Variants in ECT2L observed in about 807,000 individuals in gnomAD.
The protein encoded by ECT2L is epithelial cell transforming 2 like.
A neutral mutation model predicts 122.8 loss-of-function variants in ECT2L; 126 were observed. The observed-to-expected ratio is 1.03, with a 90% confidence interval of 0.89 to 1.19. The LOEUF is 1.19. Ranked by LOEUF, ECT2L falls within the 50% of genes most tolerant of loss-of-function variation. ECT2L has a pLI of 0.00. For missense variants in ECT2L, 1,012 were observed against 1,064.1 expected, an observed-to-expected ratio of 0.95 and a Z score of 0.68; for synonymous variants, 385 against 381.8, an observed-to-expected ratio of 1.01 and a Z score of -0.10.
rs766879877 is a variant in ECT2L at position 138,844,559 on chromosome 6, C to A, written c.743C>A (p.Ser248Ter). ...TTGGAGAAACAGCTTGTTTTGACAT[C>A]GTTAGAAACCTTGCCCAAGCGGTAA... The part of the protein sequence containing the change: ...EALEKQLVLT[S>*]LETLPKRSNI... Residue 248 changes from serine to a stop codon, truncating the protein, a stop_gained, in exon 7 of 22, where the codon TCG becomes TAG. Transcript: ENST00000541398. LOFTEE classifies it high-confidence loss of function. 2 of 1,613,938 alleles carry A rather than the reference C, an allele frequency of 1.2e-6. No homozygotes were observed. The highest frequency in any genetic ancestry group is 2.7e-5 in the African/African-American group (2 of 74,902).
rs879334918 is a variant in ECT2L at position 138,844,489 on chromosome 6, C to T, written c.673C>T (p.Arg225Cys). 1.9e-5 allele frequency: 31 copies of T among 1,614,160 alleles called. No individual in the cohort carries two copies. Among genetic ancestry groups the T allele is most frequent in the Non-Finnish European group, 2.4e-5 (28 of 1,180,028 alleles). Residue 225 changes from arginine to cysteine, a missense_variant, in exon 7 of 22, where the codon CGC becomes TGC. Physicochemically the swap from Arg to Cys is radical, Grantham distance 180. Transcript: ENST00000541398. ...SSVLKPRCQP[R>C]LSQTVRERVG... ...CGTGCTAAAGCCCAGATGCCAACCA[C>T]GCCTCTCCCAGACTGTAAGGGAGCG...
intron 7 of ECT2L, among the ~76,000 whole-genome samples, chr6:138,845,758 A>C (rs1777198792): frequency 6.6e-6 from 1 of 152,208 alleles, no homozygotes; most frequent in Admixed American, 6.5e-5. Flanking sequence ...ATGTACATTT[A>C]CTTGTTCAAG....
chr6:138,806,403 G>A (rs1057376679), intron 1 of ECT2L, among the ~76,000 whole-genome samples: 13 of 151,944 alleles, frequency 8.6e-5, no homozygotes, highest in African/African-American at 2.4e-4. Flanking sequence ...TATGGATTGG[G>A]GTGCTATGGG....
intron 20 of ECT2L, among the ~76,000 whole-genome samples, chr6:138,893,402 AAT>A (rs914068619): frequency 3.4e-5 from 5 of 146,966 alleles, no homozygotes; most frequent in African/African-American, 1.3e-4. Flanking sequence ...ACCATGTAAG[AAT>A]ATATATATAT....
chr6:138,860,181 T>C (rs1351599238), intron 10 of ECT2L, among the ~76,000 whole-genome samples: 1 of 152,170 alleles, frequency 6.6e-6, no homozygotes, highest in Admixed American at 6.5e-5. Context: ...CTTGTATAGA[T>C]CATCTTTGGC....
chr6:138,820,356 G>T (rs1484066628), intron 4 of ECT2L, among the ~76,000 whole-genome samples: 1 of 152,220 alleles, frequency 6.6e-6, no homozygotes, highest in African/African-American at 2.4e-5. Context: ...GCTAGCTGTG[G>T]TGACTGTTGT....
intron 4 of ECT2L, among the ~76,000 whole-genome samples, chr6:138,825,351 G>A (rs113115686): frequency 0.019 from 2,888 of 152,202 alleles, 36 homozygotes; most frequent in Non-Finnish European, 0.028. Context: ...AGGCTGAGGC[G>A]GGTGGATCAC....
intron 1 of ECT2L, among the ~76,000 whole-genome samples, chr6:138,805,716 A>G (rs781436023): frequency 6.6e-5 from 10 of 152,220 alleles, no homozygotes; most frequent in Non-Finnish European, 1.0e-4. Context: ...CTTGTCATCC[A>G]GTATCCCAGC....
chr6:138,893,592 T>C (rs1009410465), intron 20 of ECT2L, among the ~76,000 whole-genome samples: 3 of 152,000 alleles, frequency 2.0e-5, no homozygotes, highest in African/African-American at 7.2e-5. Flanking sequence ...CGGCTAATTT[T>C]TGTATTTTTA....
At chr6:138,866,301 C>A (rs552087810) in intron 12 of ECT2L, among the ~76,000 whole-genome samples, 1 of 152,210 alleles carries the variant, frequency 6.6e-6, no homozygotes, top group South Asian at 2.1e-4. Flanking sequence ...GCATGCACCG[C>A]CATGCCTGGC....
rs78720537 is a variant in ECT2L at position 138,853,498 on chromosome 6, G to A, written c.1070-528G>A. ...CTTTGCCTGTTTTCATTTCATCACC[G>A]GAGCCTGGGGATGCGGAGTTTCCAG... On this transcript the variant is annotated intron_variant, in intron 9 of 21. Transcript: ENST00000541398. Among the ~76,000 whole-genome samples, 1,306 of 152,156 alleles carry A rather than the reference G, an allele frequency of 8.6e-3. 21 individuals are homozygous for A. Among genetic ancestry groups the A allele is most frequent in the African/African-American group, 0.03 (1,237 of 41,490 alleles).
chr6:138,885,852 G>T, intron 18 of ECT2L, 22 bp downstream of exon 18: 1 of 1,606,734 alleles, frequency 6.2e-7, no homozygotes, highest in African/African-American at 1.3e-5. Context: ...ATAAGAATCT[G>T]TGTCCTTTAA....
chr6:138,881,155 AT>A lies in ECT2L; in HGVS notation c.1868del (p.Leu623Ter). ...IQIIFCDILQILSLNRQFLDN... is the reference protein window; with the variant it reads ...IQIIFCDILQXLSLNRQFLDN... ...GATCATTTTCTGTGACATTCTACAG[AT>A]TTTAAGTCTCAACAGGTAAACCCTG... On this transcript the variant is annotated frameshift_variant, in exon 15 of 22. Coordinates refer to ENST00000541398, the MANE Select transcript of ECT2L (RefSeq NM_001077706.3). LOFTEE classifies it high-confidence loss of function. 1.9e-6 allele frequency: 3 copies of A among 1,613,982 alleles called. No individual in the cohort carries two copies. Among genetic ancestry groups the A allele is most frequent in the Non-Finnish European group, 2.5e-6 (3 of 1,179,954 alleles).
Position 138,838,530 on chromosome 6 carries a change from C to T in ECT2L, c.342+16C>T. On this transcript the variant is annotated intron_variant, in intron 5 of 21. Transcript: ENST00000541398. ...AACTGAACAGGTTTACTATTTGCCA[C>T]TTCCTAGTAATAGGGCACAAGTACA... 1 of 1,603,148 alleles carries T rather than the reference C, an allele frequency of 6.2e-7. No homozygotes were observed. The highest frequency in any genetic ancestry group is 8.5e-7 in the Non-Finnish European group (1 of 1,175,636).
At chr6:138,865,733 T>A (rs1778011848) in intron 12 of ECT2L, among the ~76,000 whole-genome samples, 1 of 152,220 alleles carries the variant, frequency 6.6e-6, no homozygotes, top group South Asian at 2.1e-4. Context: ...CAACTTTGCA[T>A]CTTTACCTAA....
chr6:138,891,067 G>A (rs944753780), intron 20 of ECT2L, among the ~76,000 whole-genome samples: 1 of 151,616 alleles, frequency 6.6e-6, no homozygotes, highest in Non-Finnish European at 1.5e-5. Context: ...TGATAGGAAG[G>A]GGGGATTGGA....
At chr6:138,855,918 G>A (rs754648576) in intron 10 of ECT2L, among the ~76,000 whole-genome samples, 10 of 152,266 alleles carry the variant, frequency 6.6e-5, no homozygotes, top group South Asian at 2.1e-4. Flanking sequence ...AGAATAAAGC[G>A]GGAAAAGTGG....
chr6:138,897,597 A>G (rs984836171), intron 20 of ECT2L, among the ~76,000 whole-genome samples: 2 of 152,152 alleles, frequency 1.3e-5, no homozygotes, highest in African/African-American at 2.4e-5. Flanking sequence ...TCTGTGGATA[A>G]ACATTGTTGG....
intron 4 of ECT2L, among the ~76,000 whole-genome samples, chr6:138,827,794 G>A (rs1270250280): frequency 6.6e-6 from 1 of 152,136 alleles, no homozygotes; most frequent in Non-Finnish European, 1.5e-5. Context: ...CCTGACCTCA[G>A]TGATCCACCA....
Sources: allele counts gnomAD v4.1 joint callset (sites outside exome capture counted in the v4.1 genomes callset), GRCh38; gene constraint gnomAD v4.1.1; transcripts MANE v1.5; gene names NCBI Gene and HGNC (gene_info 2026-07-23, HGNC 2026-07-21).